DCLK2: variants seen among roughly 807,000 people sequenced by gnomAD.
The protein encoded by DCLK2 is serine/threonine-protein kinase DCLK2.
In DCLK2, 31 loss-of-function variants were observed where a neutral mutation model predicts 78.4. The observed-to-expected ratio is 0.40, with a 90% CI of 0.30 to 0.53. The LOEUF (loss-of-function observed/expected upper bound fraction) is 0.53, where lower values mean the gene tolerates loss of function less well. Among genes scored for constraint, DCLK2 ranks in the 20% least tolerant of loss-of-function variants. The probability of loss-of-function intolerance (pLI) is 0.61; values close to 1 mark genes in which losing one functional copy is unlikely to be tolerated. For synonymous variants in DCLK2, 407 were observed against 374.9 expected (o/e 1.09, Z -0.99); for missense variants, 872 against 973.7 (o/e 0.90, Z 1.39).
chr4:150,232,760 G>T lies in DCLK2; in HGVS notation c.1498G>T (p.Ala500Ser). Residue 500 changes from alanine to serine, a missense_variant, in exon 10 of 16, where the codon GCC becomes TCC. Physicochemically the swap from Ala to Ser is moderately conservative, Grantham distance 99 (BLOSUM62 1). Around this residue, in one of 3 missense-constraint regions of DCLK2, gnomAD observed 86 missense variants for 150.3 expected, o/e 0.57. Transcript: ENST00000296550. ...TGGCAGTGCCATGGTGTACAACTTA[G>T]CCAATGCCCTCAGGTATCTCCATGG... ...RDGSAMVYNLANALRYLHGLS... is the reference protein window; with the variant it reads ...RDGSAMVYNLSNALRYLHGLS... The T allele has an allele frequency of 1.2e-6, 2 of 1,614,120 alleles. No individual in the cohort carries two copies. The highest frequency in any genetic ancestry group is 2.2e-5 in the South Asian group (2 of 91,064).
chr4:150,129,172 A>C (rs1309243285), intron 2 of DCLK2, among the ~76,000 whole-genome samples: 2 of 152,176 alleles, frequency 1.3e-5, no homozygotes, highest in Non-Finnish European at 2.9e-5. Context: ...TTTATGAATG[A>C]CTTAAAACAG....
intron 2 of DCLK2, among the ~76,000 whole-genome samples, chr4:150,132,865 C>A (rs1484908235): frequency 1.3e-5 from 2 of 152,202 alleles, no homozygotes; most frequent in African/African-American, 4.8e-5. Flanking sequence ...TGTGCTCAAA[C>A]TGTCCTCCCA....
At chr4:150,249,794 A>G (rs1046356779) in intron 15 of DCLK2, 110 bp downstream of exon 15, 7 of 856,698 alleles carry the variant, frequency 8.2e-6, no homozygotes, top group African/African-American at 3.3e-5. Context: ...CCGTAGTCCT[A>G]TTTCATATGA....
intron 2 of DCLK2, among the ~76,000 whole-genome samples, chr4:150,172,763 G>GGGGGGGGGGGGATACCTTGCT (rs1736645158): frequency 9.1e-6 from 1 of 109,292 alleles, no homozygotes; most frequent in African/African-American, 4.0e-5. Flanking sequence ...TTTTTTTTGG[G>GGGGGGGGGGGGATACCTTGCT]GGGGGGGGGG....
intron 15 of DCLK2, among the ~76,000 whole-genome samples, chr4:150,250,688 G>T (rs138388446): frequency 6.6e-6 from 1 of 151,574 alleles, no homozygotes; most frequent in Non-Finnish European, 1.5e-5. Flanking sequence ...TCCGTCACTC[G>T]TACTTGGGAC....
intron 2 of DCLK2, among the ~76,000 whole-genome samples, chr4:150,181,739 G>A (rs1320810694): frequency 6.6e-6 from 1 of 151,918 alleles, no homozygotes; most frequent in Non-Finnish European, 1.5e-5. Context: ...GCAACCACAT[G>A]GTCCCTGAGT....
chr4:150,252,411 G>T (rs968371472), intron 15 of DCLK2, among the ~76,000 whole-genome samples: 5 of 152,224 alleles, frequency 3.3e-5, no homozygotes, highest in African/African-American at 1.2e-4. Context: ...TGTGCCCAGG[G>T]CTTAGGAGAG....
At chr4:150,185,726 A>G (rs1424492216) in intron 2 of DCLK2, among the ~76,000 whole-genome samples, 1 of 151,960 alleles carries the variant, frequency 6.6e-6, no homozygotes, top group Non-Finnish European at 1.5e-5. Flanking sequence ...AAAAAAAAAA[A>G]AATTAATTAA....
chr4:150,184,888 T>A (rs911567834), intron 2 of DCLK2, among the ~76,000 whole-genome samples: 1 of 152,054 alleles, frequency 6.6e-6, no homozygotes, highest in East Asian at 1.9e-4. Context: ...GGCGTGAGCC[T>A]CCGTGCCCGG....
chr4:150,219,994 T>C (rs899453009), intron 5 of DCLK2, among the ~76,000 whole-genome samples: 3 of 152,010 alleles, frequency 2.0e-5, no homozygotes, highest in African/African-American at 7.3e-5. Flanking sequence ...CAATACTATG[T>C]GGAATGGGAG....
intron 2 of DCLK2, among the ~76,000 whole-genome samples, chr4:150,125,892 AAAAAAAACCAC>A (rs1202525811): frequency 6.6e-6 from 1 of 152,050 alleles, no homozygotes; most frequent in African/African-American, 2.4e-5. Flanking sequence ...TTTTGTCTCA[AAAAAAAACCAC>A]AAAAAACCCA....
intron 12 of DCLK2, 36 bp downstream of exon 12, chr4:150,240,512 A>T: frequency 6.6e-7 from 1 of 1,523,134 alleles, no homozygotes. Context: ...TTGAATTGCA[A>T]ATGTTCTCCC....
At chr4:150,197,043 A>G (rs1739090154) in intron 3 of DCLK2, among the ~76,000 whole-genome samples, 1 of 151,904 alleles carries the variant, frequency 6.6e-6, no homozygotes, top group African/African-American at 2.4e-5. Context: ...TAGTCCACTC[A>G]GGCCAGAGGC....
At chr4:150,220,866 G>T in intron 6 of DCLK2, 88 bp downstream of exon 6, 2 of 1,080,902 alleles carry the variant, frequency 1.9e-6, no homozygotes, top group East Asian at 2.5e-5. Flanking sequence ...GCTAAATTAC[G>T]ATCTTCCTAA....
At chr4:150,124,999 A>C (rs2150187788) in intron 2 of DCLK2, among the ~76,000 whole-genome samples, 1 of 152,356 alleles carries the variant, frequency 6.6e-6, no homozygotes, top group African/African-American at 2.4e-5. Context: ...ACACAATTCC[A>C]TTATGAGACA....
At chr4:150,196,358 C>T (rs1376308808) in intron 3 of DCLK2, among the ~76,000 whole-genome samples, 1 of 152,158 alleles carries the variant, frequency 6.6e-6, no homozygotes, top group East Asian at 1.9e-4. Flanking sequence ...TCTACACACA[C>T]CTTTCAACAG....
At chr4:150,227,482 G>T (rs1553972327) in intron 8 of DCLK2, among the ~76,000 whole-genome samples, 1 of 152,160 alleles carries the variant, frequency 6.6e-6, no homozygotes, top group Non-Finnish European at 1.5e-5. Flanking sequence ...GCTGGAGCAG[G>T]AACAGTGGGT....
chr4:150,219,397 G>T (rs1205738692), intron 5 of DCLK2, among the ~76,000 whole-genome samples: 2 of 151,574 alleles, frequency 1.3e-5, no homozygotes, highest in African/African-American at 4.9e-5. Context: ...AGGTAGCTGG[G>T]ATTACAGTCA....
chr4:150,247,508 G>A (rs1743412523), intron 12 of DCLK2, 95 bp from the exon 13 acceptor site: 8 of 969,296 alleles, frequency 8.3e-6, no homozygotes, highest in South Asian at 3.0e-5. Context: ...CAAAGCCAGA[G>A]ACTGGACTCC....
Sources: allele counts gnomAD v4.1 joint callset (sites outside exome capture counted in the v4.1 genomes callset), GRCh38; gene constraint gnomAD v4.1.1; regional missense constraint gnomAD v4.1.1; transcripts MANE v1.5; gene names NCBI Gene and HGNC (gene_info 2026-07-23, HGNC 2026-07-21).